The following RAB40B variants were observed in gnomAD, a reference collection of about 807,000 sequenced individuals.
RAB40B encodes the protein ras-related protein Rab-40B.
RAB40B carries 21 observed loss-of-function variants against 24.0 expected under a neutral mutation model. That is an observed-to-expected ratio of 0.88 (90% CI 0.62 to 1.26). The LOEUF (loss-of-function observed/expected upper bound fraction) is 1.26, where lower values mean the gene tolerates loss of function less well. Among genes scored for constraint, RAB40B ranks in the 50% most tolerant of loss-of-function variants. The pLI, the probability that RAB40B is intolerant of heterozygous loss-of-function variation, is 0.00. For missense variants in RAB40B, 348 were observed against 390.5 expected (o/e 0.89, Z 0.92); for synonymous variants, 167 against 169.8 (o/e 0.98, Z 0.13).
rs112303097 is a variant in RAB40B, at chr17:82,658,085, C to T, written c.615G>A (p.Pro205=). The T allele has an allele frequency of 8.9e-4, 1,441 of 1,614,152 alleles. 2 individuals carry two copies. The highest frequency in any genetic ancestry group is 1.3e-3 in the South Asian group (120 of 91,076). ...LCCRAVVSCT[P]VHLVDKLPLP... Reference sequence around the variant, plus strand: ...GCGGGAGCTTGTCCACCAGGTGCACCGGCGTGCAGGACACGACCGCCCGGC... The same window carrying T: ...GCGGGAGCTTGTCCACCAGGTGCACTGGCGTGCAGGACACGACCGCCCGGC... Residue 205 remains proline (P), a synonymous_variant, in exon 6 of 6, where the codon CCG becomes CCA. Coordinates refer to ENST00000571995, the MANE Select transcript of RAB40B (RefSeq NM_006822.3).
rs2046273772 is a variant in RAB40B at position 82,667,602 on chromosome 17, C to G, written c.143-3046G>C. 6.6e-6 allele frequency among the ~76,000 whole-genome samples: 1 copy of G among 152,166 alleles called. No individual in the cohort carries two copies. Among genetic ancestry groups the G allele is most frequent in the African/African-American group, 2.4e-5 (1 of 41,428 alleles). On this transcript the variant is annotated intron_variant, in intron 1 of 5. Transcript: ENST00000571995. This position sits in a 1 kb window ranked among gnomAD's most constrained non-coding sequence, Gnocchi z 4.3. ...GAGCCCCAGAGACATGGAGTCCAGGCTTCCCGCATCCTCCTCTGTCTCCTG... is the reference window on the plus strand; with the variant it reads ...GAGCCCCAGAGACATGGAGTCCAGGGTTCCCGCATCCTCCTCTGTCTCCTG...
intron 1 of RAB40B, among the ~76,000 whole-genome samples, chr17:82,679,075 G>A (rs1248897136): frequency 6.6e-6 from 1 of 150,586 alleles, no homozygotes; most frequent in African/African-American, 2.4e-5. Flanking sequence ...AGTAGAGACG[G>A]GGTTTCACCG....
intron 1 of RAB40B, among the ~76,000 whole-genome samples, chr17:82,689,516 G>A (rs1163964191): frequency 6.6e-6 from 1 of 152,200 alleles, no homozygotes; most frequent in Non-Finnish European, 1.5e-5. Context: ...TCATCAGGGC[G>A]GGGAGAGGAC....
Position 82,697,887 on chromosome 17 carries a change from C to T in RAB40B, c.142+568G>A, listed in dbSNP as rs2046627558. The stretch of plus-strand genomic sequence containing the variant: ...CGAGTCACCTGTGCTCCTTCCTCTC[C>T]CCCGGACACGCGGGACCCCTGGCCT... On this transcript the variant is annotated intron_variant, in intron 1 of 5. Transcript: ENST00000571995. This position sits in a 1 kb window ranked among gnomAD's most constrained non-coding sequence, Gnocchi z 4.9. Among the ~76,000 whole-genome samples the T allele has an allele frequency of 6.6e-6, 1 of 152,216 alleles. No individual in the cohort carries two copies. Among genetic ancestry groups the T allele is most frequent in the African/African-American group, 2.4e-5 (1 of 41,458 alleles).
intron 1 of RAB40B, among the ~76,000 whole-genome samples, chr17:82,669,416 G>C (rs2046304641): frequency 6.6e-6 from 1 of 151,568 alleles, no homozygotes; most frequent in African/African-American, 2.4e-5. Flanking sequence ...TGGAGGTTGT[G>C]GTGAGCCGAG....
At chr17:82,674,563 CAGG>C (rs2046376927) in intron 1 of RAB40B, among the ~76,000 whole-genome samples, 1 of 145,288 alleles carries the variant, frequency 6.9e-6, no homozygotes, top group East Asian at 2.0e-4. Context: ...GGCGTGAACC[CAGG>C]AGGCGGAGCT....
At chr17:82,659,482 TG>T in intron 4 of RAB40B, 97 bp downstream of exon 4, 1 of 1,228,656 alleles carries the variant, frequency 8.1e-7, no homozygotes, top group South Asian at 1.3e-5. Context: ...CTGTGATCCA[TG>T]GGTACCCATG....
intron 1 of RAB40B, among the ~76,000 whole-genome samples, chr17:82,666,210 G>A (rs954287037): frequency 6.6e-6 from 1 of 151,940 alleles, no homozygotes; most frequent in Non-Finnish European, 1.5e-5. Flanking sequence ...CCAAAGTGCT[G>A]GGATTACAGG....
At chr17:82,671,487 G>C (rs1419302035) in intron 1 of RAB40B, among the ~76,000 whole-genome samples, 30 of 48,426 alleles carry the variant, frequency 6.2e-4, no homozygotes, top group East Asian at 1.4e-3. Flanking sequence ...ACACTCACAT[G>C]CTCCCTGTAC....
intron 1 of RAB40B, among the ~76,000 whole-genome samples, chr17:82,689,596 G>A (rs192270000): frequency 1.7e-3 from 263 of 152,308 alleles, no homozygotes; most frequent in Admixed American, 2.4e-3. Flanking sequence ...CAATGCAATG[G>A]TGTTATTTTC....
intron 1 of RAB40B, among the ~76,000 whole-genome samples, chr17:82,672,910 A>G (rs1187270364): frequency 1.3e-5 from 2 of 152,220 alleles, no homozygotes; most frequent in African/African-American, 4.8e-5. Context: ...GGAGTTAAAA[A>G]TTGCCTCATT....
intron 1 of RAB40B, among the ~76,000 whole-genome samples, chr17:82,674,892 G>A (rs368480661): frequency 2.0e-5 from 3 of 152,066 alleles, no homozygotes; most frequent in East Asian, 1.9e-4. Context: ...AGAACAACAC[G>A]AGATAATCCT....
At chr17:82,670,033 T>C (rs527292213) in intron 1 of RAB40B, among the ~76,000 whole-genome samples, 4 of 152,326 alleles carry the variant, frequency 2.6e-5, no homozygotes, top group Admixed American at 6.5e-5. Flanking sequence ...AGCTTTGATA[T>C]GTCTGTCTCC....
intron 1 of RAB40B, among the ~76,000 whole-genome samples, chr17:82,680,095 G>A (rs1040874107): frequency 1.3e-5 from 2 of 152,276 alleles, no homozygotes; most frequent in African/African-American, 2.4e-5. Flanking sequence ...GGGGGCAGCT[G>A]TCCTCGGGCT....
chr17:82,658,242 G>A (rs1019701169), intron 5 of RAB40B, 108 bp from the exon 6 acceptor site: 120 of 1,459,212 alleles, frequency 8.2e-5, no homozygotes, highest in South Asian at 4.3e-4. Context: ...TCGGACGCCC[G>A]TGGCCCTGGC....
intron 1 of RAB40B, 90 bp downstream of exon 1, chr17:82,698,365 A>G: frequency 4.1e-4 from 83 of 204,600 alleles, no homozygotes; most frequent in Non-Finnish European, 5.6e-4. Flanking sequence ...GCGTCCCCGG[A>G]CCCGGACCCC....
At chr17:82,661,849 T>A in intron 2 of RAB40B, 1 of 902,118 alleles carries the variant, frequency 1.1e-6, no homozygotes, top group Non-Finnish European at 1.3e-6. Context: ...ATCGTGCCAC[T>A]GCACTCCAGC....
chr17:82,682,392 C>T (rs1398424046), intron 1 of RAB40B, among the ~76,000 whole-genome samples: 3 of 151,844 alleles, frequency 2.0e-5, no homozygotes, highest in Non-Finnish European at 4.4e-5. Flanking sequence ...AGCTACAAAC[C>T]ACTAATAAAA....
intron 1 of RAB40B, among the ~76,000 whole-genome samples, chr17:82,679,126 A>T: frequency 6.7e-6 from 1 of 150,192 alleles, no homozygotes; most frequent in East Asian, 2.0e-4. Flanking sequence ...CTCGTGATCC[A>T]CCTGCCTCGG....
Sources: gnomAD v4.1 joint callset for allele counts (sites outside exome capture counted in the v4.1 genomes callset) on GRCh38, gnomAD v4.1.1 for gene constraint, Gnocchi (gnomAD v3.1) non-coding constraint, MANE v1.5 for transcripts, NCBI Gene and HGNC (gene_info 2026-07-23, HGNC 2026-07-21) for gene names.